The following PRKG1 variants were observed in gnomAD, a reference collection of about 807,000 sequenced individuals.
PRKG1 encodes protein kinase cGMP-dependent 1, also known as cGMP-dependent protein kinase 1.
A neutral mutation model predicts 88.1 loss-of-function variants in PRKG1; 35 were observed. The observed-to-expected ratio is 0.40, with a 90% CI of 0.30 to 0.53. The LOEUF (loss-of-function observed/expected upper bound fraction) is 0.53. PRKG1 is among the 20% of genes least tolerant of loss of function. PRKG1 has a pLI of 0.59. For synonymous variants in PRKG1, 303 were observed against 292.5 expected (o/e 1.04, Z -0.37); for missense variants, 540 against 839.8 (o/e 0.64, Z 4.41).
chr10:51,183,937 A>G (rs775656932), intron 2 of PRKG1, among the ~76,000 whole-genome samples: 26 of 152,186 alleles, frequency 1.7e-4, no homozygotes, highest in Non-Finnish European at 3.4e-4. Context: ...CAGTCTTAGC[A>G]GTCTTCACTG....
At chr10:51,989,478 T>TA (rs1433183360) in intron 5 of PRKG1, among the ~76,000 whole-genome samples, 1 of 151,962 alleles carries the variant, frequency 6.6e-6, no homozygotes, top group Non-Finnish European at 1.5e-5. Flanking sequence ...GAGTCCAGTA[T>TA]AGAGACAGTC....
chr10:52,091,869 G>A (rs184265175), intron 7 of PRKG1, among the ~76,000 whole-genome samples: 197 of 152,290 alleles, frequency 1.3e-3, no homozygotes, highest in Non-Finnish European at 2.0e-3. Flanking sequence ...TCATCCTCTG[G>A]TGCAGCAATC....
chr10:51,034,668 T>TTTATATATATATATATA lies in PRKG1; in HGVS notation c.266+43025_266+43026insTATATATATATATATAT, dbSNP rs9299454. Reference sequence around the variant, plus strand: ...AGCAAAATTATATATAATATGTTATTTATATATATATATATATATATATAT... The same window carrying TTTATATATATATATATA: ...AGCAAAATTATATATAATATGTTATTTTATATATATATATATATATATATATATATATATATATATAT... On this transcript the variant is annotated intron_variant, in intron 1 of 17. Transcript: ENST00000401604. Among the ~76,000 whole-genome samples the TTTATATATATATATATA allele has an allele frequency of 3.1e-4, 21 of 68,178 alleles. 1 individual carries two copies. The highest frequency in any genetic ancestry group is 4.9e-4 in the Non-Finnish European group (18 of 36,464). The allele number at this position is 68,178 out of a possible 152,430, so 44.7% of individuals were successfully genotyped here. A position where few individuals can be genotyped will look rare whatever the true frequency, so the allele number is the denominator to read the frequency against.
At chr10:51,789,874 T>C (rs1474133383) in intron 3 of PRKG1, among the ~76,000 whole-genome samples, 1 of 151,780 alleles carries the variant, frequency 6.6e-6, no homozygotes, top group African/African-American at 2.4e-5. Context: ...CAGGCTGGAG[T>C]GTAGTGGCAC....
In PRKG1 at chr10:52,054,538, T is replaced by C; in HGVS notation, c.817T>C (p.Phe273Leu). 1.2e-6 allele frequency: 2 copies of C among 1,613,966 alleles called. No individual in the cohort carries two copies. The highest frequency in any genetic ancestry group is 1.7e-6 in the Non-Finnish European group (2 of 1,179,906). The part of the protein sequence containing the change: ...IIRQGARGDT[F>L]FIISKGTVNV... ...CAGGCAAGGTGCAAGAGGGGACACC[T>C]TCTTTATCATCAGCAAAGGAACGGT... The change falls in exon 6 of 18, where the codon TTC (phenylalanine) becomes CTC (leucine). Residue 273 changes from phenylalanine (F) to leucine (L), a missense_variant. Physicochemically the swap from Phe to Leu is conservative, Grantham distance 22. Around this residue, in one of 5 missense-constraint regions of PRKG1, gnomAD observed 400 missense variants for 562.7 expected, o/e 0.71. Transcript: ENST00000373980.
rs373610371 is a variant in PRKG1 at position 51,489,220 on chromosome 10, A to G, written c.592+21384A>G. ...TGTGATAAGGGTACAATAGAAAAGA[A>G]GAAAATATATGCTATCACAGGAACA... On this transcript the variant is annotated intron_variant, in intron 3 of 17. Transcript: ENST00000373980. Among the ~76,000 whole-genome samples, 47 of 152,316 alleles carry G rather than the reference A, an allele frequency of 3.1e-4. No homozygotes were observed. In the East Asian group the frequency reaches 6.6e-3, roughly 21 times the overall value.
chr10:51,701,031 TA>T (rs1308815242), intron 3 of PRKG1, among the ~76,000 whole-genome samples: 1 of 152,140 alleles, frequency 6.6e-6, no homozygotes, highest in Non-Finnish European at 1.5e-5. Flanking sequence ...ACAAAAAAAG[TA>T]AAAATAGCCC....
At chr10:51,658,410 T>C (rs906822923) in intron 3 of PRKG1, among the ~76,000 whole-genome samples, 3 of 151,990 alleles carry the variant, frequency 2.0e-5, no homozygotes, top group African/African-American at 7.2e-5. Flanking sequence ...GGTGGGAGAA[T>C]AGACATAGGG....
intron 3 of PRKG1, among the ~76,000 whole-genome samples, chr10:51,682,631 CTTA>C (rs1840879976): frequency 6.6e-6 from 1 of 152,120 alleles, no homozygotes; most frequent in South Asian, 2.1e-4. Flanking sequence ...ATATCAAGAA[CTTA>C]TTATATGTAA....
chr10:51,161,500 T>C (rs544859530), intron 2 of PRKG1, among the ~76,000 whole-genome samples: 1 of 152,238 alleles, frequency 6.6e-6, no homozygotes, highest in Non-Finnish European at 1.5e-5. Context: ...TGGAAATGAG[T>C]TTATTACACT....
intron 2 of PRKG1, among the ~76,000 whole-genome samples, chr10:51,391,834 T>G (rs1837413023): frequency 1.3e-5 from 2 of 152,200 alleles, no homozygotes; most frequent in African/African-American, 4.8e-5. Flanking sequence ...CGAGGTGGTG[T>G]TTTCAACAAC....
intron 3 of PRKG1, among the ~76,000 whole-genome samples, chr10:51,610,148 C>T (rs528144508): frequency 1.3e-5 from 2 of 152,128 alleles, no homozygotes; most frequent in African/African-American, 2.4e-5. Context: ...ATTGCAAGCT[C>T]TCTCTTCTAG....
chr10:51,047,096 G>A (rs1263326399), intron 1 of PRKG1, among the ~76,000 whole-genome samples: 4 of 152,148 alleles, frequency 2.6e-5, no homozygotes, highest in African/African-American at 4.8e-5. Flanking sequence ...TTTTTCTCAC[G>A]TGCATTGTAG....
chr10:51,580,822 A>G (rs900307608), intron 3 of PRKG1, among the ~76,000 whole-genome samples: 1 of 152,116 alleles, frequency 6.6e-6, no homozygotes, highest in Admixed American at 6.6e-5. Flanking sequence ...GAGATCTGTC[A>G]ATTAGAGTGA....
chr10:51,781,022 T>C (rs1838574431), intron 3 of PRKG1, among the ~76,000 whole-genome samples: 1 of 152,094 alleles, frequency 6.6e-6, no homozygotes, highest in Non-Finnish European at 1.5e-5. Flanking sequence ...CTAAAGACAA[T>C]GGAAATGGCG....
At chr10:51,667,973 T>G (rs72797344) in intron 3 of PRKG1, among the ~76,000 whole-genome samples, 14,099 of 152,168 alleles carry the variant, frequency 0.093, 859 homozygotes, top group Admixed American at 0.14. Flanking sequence ...AGCTCTTTTT[T>G]TTTTCCTGCC....
chr10:51,279,430 C>T (rs1017684918), intron 2 of PRKG1, among the ~76,000 whole-genome samples: 49 of 151,626 alleles, frequency 3.2e-4, no homozygotes, highest in African/African-American at 1.1e-3. Flanking sequence ...CCTGGATATC[C>T]TTGTTAACTT....
At chr10:51,037,806 T>C (rs895875300) in intron 1 of PRKG1, among the ~76,000 whole-genome samples, 2 of 151,970 alleles carry the variant, frequency 1.3e-5, no homozygotes, top group Admixed American at 1.3e-4. Context: ...TTAAAAAATA[T>C]TTCAGGCCAC....
At chr10:51,213,505 G>T (rs1838289320) in intron 2 of PRKG1, among the ~76,000 whole-genome samples, 1 of 152,168 alleles carries the variant, frequency 6.6e-6, no homozygotes, top group African/African-American at 2.4e-5. Context: ...CTTTCTAGCA[G>T]TGAGATTTTG....
Sources: allele counts gnomAD v4.1 joint callset (sites outside exome capture counted in the v4.1 genomes callset), GRCh38; gene constraint gnomAD v4.1.1; regional missense constraint gnomAD v4.1.1; transcripts MANE v1.5; gene names NCBI Gene and HGNC (gene_info 2026-07-23, HGNC 2026-07-21).